Variants in ACTR3C observed in about 807,000 individuals in gnomAD.
ACTR3C encodes the protein actin-related protein 3C.
ACTR3C carries 18 observed loss-of-function variants against 26.3 expected under a neutral mutation model. The ratio of observed to expected loss-of-function variants is 0.68; its 90% CI spans 0.47 to 1.01. The LOEUF is 1.01. ACTR3C is among the 50% of genes least tolerant of loss of function. The pLI, the probability that ACTR3C is intolerant of heterozygous loss-of-function variation, is 0.00. For missense variants in ACTR3C, 184 were observed against 250.7 expected, an observed-to-expected ratio of 0.73 and a Z score of 1.80; for synonymous variants, 55 against 94.5, an observed-to-expected ratio of 0.58 and a Z score of 2.42.
At chr7:150,310,949 C>T (rs1046540414) in intron 1 of ACTR3C, among the ~76,000 whole-genome samples, 4 of 152,236 alleles carry the variant, frequency 2.6e-5, no homozygotes, top group Non-Finnish European at 4.4e-5. Context: ...TCGGCATAGT[C>T]CTCCATCAAC....
chr7:150,250,678 A>G (rs1832790764), intron 6 of ACTR3C, among the ~76,000 whole-genome samples: 1 of 151,874 alleles, frequency 6.6e-6, no homozygotes, highest in Admixed American at 6.5e-5. Context: ...TACAGAGCCA[A>G]AGGAAATCTT....
chr7:150,035,536 C>CT, the ACTR3C span, among the ~76,000 whole-genome samples: 1 of 128,562 alleles, frequency 7.8e-6, no homozygotes, highest in Non-Finnish European at 1.7e-5. Flanking sequence ...GGGGGTGCCT[C>CT]CCCCTCCTGC....
intron 6 of ACTR3C, among the ~76,000 whole-genome samples, chr7:150,272,513 T>C (rs1384445631): frequency 7.2e-6 from 1 of 139,374 alleles, no homozygotes; most frequent in Non-Finnish European, 1.5e-5. Flanking sequence ...TTATCACCTA[T>C]GCTTGTTTCA....
the ACTR3C span, among the ~76,000 whole-genome samples, chr7:150,149,113 ATATATATATATATG>A: frequency 9.8e-6 from 1 of 101,604 alleles, no homozygotes; most frequent in East Asian, 2.7e-4. Context: ...ATATATATAT[ATATATATATATATG>A]CATTGGCCAT....
chr7:149,905,153 A>G, the ACTR3C span, among the ~76,000 whole-genome samples: 10,922 of 151,864 alleles, frequency 0.072, 627 homozygotes, highest in African/African-American at 0.15. Flanking sequence ...GAGAAAAAAA[A>G]TGAGTAGGAA....
At chr7:149,995,684 T>C in the ACTR3C span, among the ~76,000 whole-genome samples, 1 of 152,106 alleles carries the variant, frequency 6.6e-6, no homozygotes, top group South Asian at 2.1e-4. Context: ...GGCATTCAGG[T>C]TGGTGAGTGT....
chr7:150,181,626 A>G, the ACTR3C span, among the ~76,000 whole-genome samples: 1 of 150,444 alleles, frequency 6.6e-6, no homozygotes. Context: ...TATATATAGC[A>G]CCCATTTCCC....
chr7:150,034,470 A>G, the ACTR3C span, among the ~76,000 whole-genome samples: 1,890 of 148,580 alleles, frequency 0.013, 66 homozygotes, highest in South Asian at 0.037. Flanking sequence ...CAAAACTTCC[A>G]TGTCCCCGCC....
the ACTR3C span, chr7:149,892,485 C>G: frequency 1.0e-5 from 13 of 1,290,092 alleles, no homozygotes; most frequent in South Asian, 1.5e-4. Flanking sequence ...AATATACACA[C>G]AAGTAAATTT....
At chr7:150,031,697 T>C in the ACTR3C span, among the ~76,000 whole-genome samples, 2 of 152,082 alleles carry the variant, frequency 1.3e-5, no homozygotes, top group Non-Finnish European at 2.9e-5. Context: ...TATACCTTGA[T>C]GGACAATTTG....
the ACTR3C span, among the ~76,000 whole-genome samples, chr7:149,969,211 C>A: frequency 6.6e-6 from 1 of 151,506 alleles, no homozygotes. Context: ...CACAGTCTGG[C>A]CAACATTGGG....
chr7:150,230,224 C>G, the ACTR3C span, among the ~76,000 whole-genome samples: 1 of 150,786 alleles, frequency 6.6e-6, no homozygotes, highest in Admixed American at 6.6e-5. Context: ...GACTCCATCT[C>G]AAAAAAAAGA....
chr7:150,192,982 C>T, the ACTR3C span, among the ~76,000 whole-genome samples: 5 of 152,148 alleles, frequency 3.3e-5, no homozygotes, highest in Admixed American at 2.0e-4. Context: ...TTGTACCTTC[C>T]GGTGAAAAGG....
intron 5 of ACTR3C, among the ~76,000 whole-genome samples, chr7:150,285,630 A>G (rs1835718126): frequency 6.6e-6 from 1 of 152,246 alleles, no homozygotes; most frequent in African/African-American, 2.4e-5. Flanking sequence ...CTAGCGAGGA[A>G]CACATTCTAT....
chr7:150,221,998 C>CAAAAAAAAAAAAAAAAAA, the ACTR3C span, among the ~76,000 whole-genome samples: 36 of 79,792 alleles, frequency 4.5e-4, 1 homozygote, highest in African/African-American at 2.5e-3. Context: ...ACTCCGTCTC[C>CAAAAAAAAAAAAAAAAAA]AAAAAAAAAA....
chr7:150,110,828 AG>A, the ACTR3C span, among the ~76,000 whole-genome samples: 10 of 24,808 alleles, frequency 4.0e-4, no homozygotes, highest in Non-Finnish European at 7.8e-4. Context: ...CAAGGCTGGC[AG>A]GGGGGTGGGC....
chr7:149,964,387 TGAG>T, the ACTR3C span, among the ~76,000 whole-genome samples: 1 of 151,984 alleles, frequency 6.6e-6, no homozygotes, highest in Non-Finnish European at 1.5e-5. Context: ...TGAACCGAAA[TGAG>T]GACCTGAAGC....
the ACTR3C span, among the ~76,000 whole-genome samples, chr7:150,038,101 G>A: frequency 7.0e-6 from 1 of 142,082 alleles, no homozygotes; most frequent in Non-Finnish European, 1.6e-5. Flanking sequence ...CCCCTGTGAT[G>A]GGAGTCCCAA....
intron 7 of ACTR3C, 103 bp downstream of exon 7, chr7:150,248,845 A>C: frequency 2.3e-6 from 1 of 435,100 alleles, no homozygotes; most frequent in Non-Finnish European, 4.1e-6. Flanking sequence ...TGTCATAAAA[A>C]TGCTTCAATA....
Sources: gnomAD v4.1 joint callset for allele counts (sites outside exome capture counted in the v4.1 genomes callset) on GRCh38, gnomAD v4.1.1 for gene constraint, MANE v1.5 for transcripts, NCBI Gene and HGNC (gene_info 2026-07-23, HGNC 2026-07-21) for gene names.